Variants in COMMD1 observed in about 807,000 individuals in gnomAD.
COMMD1 encodes the protein copper metabolism domain containing 1.
COMMD1 carries 10 observed loss-of-function variants against 17.2 expected under a neutral mutation model. The ratio of observed to expected loss-of-function variants is 0.58; its 90% CI spans 0.36 to 0.99. The LOEUF is 0.99. Ranked by LOEUF, COMMD1 falls within the 50% of genes least tolerant of loss-of-function variation. The probability of loss-of-function intolerance (pLI) is 0.01; values close to 1 mark genes in which losing one functional copy is unlikely to be tolerated. For missense variants in COMMD1, 270 were observed against 231.8 expected (o/e 1.17, Z -1.07); for synonymous variants, 97 against 91.6 (o/e 1.06, Z -0.34).
chr2:61,922,584 G>A (rs932334507), intron 1 of COMMD1, among the ~76,000 whole-genome samples: 3 of 152,150 alleles, frequency 2.0e-5, no homozygotes, highest in African/African-American at 7.2e-5. Flanking sequence ...TTAAAGTGCT[G>A]GGATTACAGG....
At chr2:62,082,259 ATACT>A (rs1035225903) in intron 2 of COMMD1, among the ~76,000 whole-genome samples, 2 of 152,228 alleles carry the variant, frequency 1.3e-5, no homozygotes, top group African/African-American at 4.8e-5. Context: ...AAATGCATAC[ATACT>A]TTGCTGATAC....
At chr2:62,085,894 C>T (rs1165165217) in intron 2 of COMMD1, among the ~76,000 whole-genome samples, 1 of 152,096 alleles carries the variant, frequency 6.6e-6, no homozygotes, top group Non-Finnish European at 1.5e-5. Flanking sequence ...AGGAGAATGG[C>T]GTGAACCCGG....
intron 1 of COMMD1, among the ~76,000 whole-genome samples, chr2:61,940,453 T>C (rs138562307): frequency 3.5e-4 from 54 of 152,156 alleles, no homozygotes; most frequent in African/African-American, 1.3e-3. Context: ...CCCAGGAACT[T>C]TTCTACCCCC....
intron 2 of COMMD1, among the ~76,000 whole-genome samples, chr2:62,003,638 A>C (rs1049610825): frequency 2.0e-5 from 3 of 148,466 alleles, no homozygotes; most frequent in Non-Finnish European, 3.0e-5. Flanking sequence ...ACACACACAC[A>C]CACCCAACAG....
chr2:61,957,087 C>CGTGTGTGT (rs10679710), intron 1 of COMMD1, among the ~76,000 whole-genome samples: 1,939 of 146,876 alleles, frequency 0.013, 16 homozygotes, highest in East Asian at 0.034. Context: ...AAGATGGATG[C>CGTGTGTGT]GTGTGTGTGT....
intron 2 of COMMD1, among the ~76,000 whole-genome samples, chr2:62,016,706 A>G (rs1182308121): frequency 1.3e-5 from 2 of 152,112 alleles, no homozygotes; most frequent in African/African-American, 4.8e-5. Flanking sequence ...GATGCATAAA[A>G]GTTTTAAATT....
intron 1 of COMMD1, among the ~76,000 whole-genome samples, chr2:61,926,676 A>AGTT (rs1670336708): frequency 6.6e-6 from 1 of 152,166 alleles, no homozygotes; most frequent in Non-Finnish European, 1.5e-5. Flanking sequence ...GACAATACAA[A>AGTT]GTTGGCTTTT....
chr2:61,924,464 G>A (rs903925325), intron 1 of COMMD1, among the ~76,000 whole-genome samples: 1 of 151,830 alleles, frequency 6.6e-6, no homozygotes, highest in Admixed American at 6.6e-5. Context: ...TGGAGGATTA[G>A]GATGTTGTCG....
chr2:62,037,666 G>A lies in COMMD1; in HGVS notation c.462+36684G>A, dbSNP rs114184877. Among the ~76,000 whole-genome samples, 831 of 152,304 alleles carry A rather than the reference G, an allele frequency of 5.5e-3. 10 individuals carry two copies. The highest frequency in any genetic ancestry group is 0.019 in the African/African-American group (790 of 41,550). ...ACCCAGAAGTCTCAAAGCCCATCATGGGGGAGGGAGAAGCCAACTGAAATA... is the reference window on the plus strand; with the variant it reads ...ACCCAGAAGTCTCAAAGCCCATCATAGGGGAGGGAGAAGCCAACTGAAATA... On this transcript the variant is annotated intron_variant, in intron 2 of 2. Transcript: ENST00000311832.
At chr2:61,926,610 G>T (rs7570070) in intron 1 of COMMD1, among the ~76,000 whole-genome samples, 43,774 of 151,992 alleles carry the variant, frequency 0.29, 8,190 homozygotes, top group African/African-American at 0.54. Context: ...TCATTTCTTC[G>T]ACTCTCTTTT....
At chr2:62,087,375 T>C (rs1162038972) in intron 2 of COMMD1, among the ~76,000 whole-genome samples, 7 of 152,196 alleles carry the variant, frequency 4.6e-5, no homozygotes, top group Non-Finnish European at 1.0e-4. Flanking sequence ...AAAACTCTAC[T>C]TGGCATACTT....
intron 1 of COMMD1, among the ~76,000 whole-genome samples, chr2:61,909,496 G>T (rs1383208215): frequency 1.3e-5 from 2 of 152,104 alleles, no homozygotes; most frequent in Admixed American, 1.3e-4. Context: ...ACATAGCATG[G>T]GTGGGGTAGG....
chr2:61,888,803 G>A, exon 1 of COMMD1: 1 of 460,320 alleles, frequency 2.2e-6, no homozygotes, highest in South Asian at 2.9e-5. Flanking sequence ...GAACCTTTAC[G>A]CGAGGCAGCA....
At chr2:61,940,905 G>T (rs985867021) in intron 1 of COMMD1, among the ~76,000 whole-genome samples, 2 of 151,764 alleles carry the variant, frequency 1.3e-5, no homozygotes, top group African/African-American at 4.8e-5. Context: ...AGCCAGGATG[G>T]TCTCGATCTC....
intron 1 of COMMD1, among the ~76,000 whole-genome samples, chr2:61,890,265 A>G (rs886945137): frequency 6.6e-6 from 1 of 152,178 alleles, no homozygotes; most frequent in Non-Finnish European, 1.5e-5. Flanking sequence ...CTTGTTGCCC[A>G]GGCTGGAGCA....
At chr2:61,947,162 A>C (rs909669796) in intron 1 of COMMD1, among the ~76,000 whole-genome samples, 3 of 152,182 alleles carry the variant, frequency 2.0e-5, no homozygotes, top group Non-Finnish European at 2.9e-5. Context: ...AGAGACCCAA[A>C]TATCTTTAGT....
At chr2:62,131,686 G>C (rs1673037428) in intron 2 of COMMD1, among the ~76,000 whole-genome samples, 1 of 151,944 alleles carries the variant, frequency 6.6e-6, no homozygotes, top group African/African-American at 2.4e-5. Flanking sequence ...GGGACTACAG[G>C]CACATGCCAC....
chr2:62,107,921 C>G (rs1672360547), intron 2 of COMMD1, among the ~76,000 whole-genome samples: 1 of 152,126 alleles, frequency 6.6e-6, no homozygotes, highest in South Asian at 2.1e-4. Context: ...ATAAAAAACT[C>G]TAGAATTCAA....
intron 1 of COMMD1, among the ~76,000 whole-genome samples, chr2:61,910,253 C>T (rs1364448155): frequency 6.6e-6 from 1 of 151,182 alleles, no homozygotes; most frequent in Non-Finnish European, 1.5e-5. Context: ...TAAACACTGC[C>T]CCCCCCTTTT....
Sources: allele counts gnomAD v4.1 joint callset (sites outside exome capture counted in the v4.1 genomes callset), GRCh38; gene constraint gnomAD v4.1.1; transcripts MANE v1.5; gene names NCBI Gene and HGNC (gene_info 2026-07-23, HGNC 2026-07-21).